MGST2: variants seen among roughly 807,000 people sequenced by gnomAD.
MGST2 encodes microsomal glutathione S-transferase 2.
A neutral mutation model predicts 16.6 loss-of-function variants in MGST2; 9 were observed. The ratio of observed to expected loss-of-function variants is 0.54; its 90% CI spans 0.33 to 0.95. The LOEUF (loss-of-function observed/expected upper bound fraction) is 0.95. Among genes scored for constraint, MGST2 ranks in the 40% least tolerant of loss-of-function variants. The probability of loss-of-function intolerance (pLI) is 0.03; values close to 1 mark genes in which losing one functional copy is unlikely to be tolerated. For missense variants in MGST2, 159 were observed against 175.1 expected (o/e 0.91, Z 0.52); for synonymous variants, 79 against 68.0 (o/e 1.16, Z -0.79).
chr4:139,689,221 C>T (rs766834848), intron 2 of MGST2, among the ~76,000 whole-genome samples: 31 of 151,924 alleles, frequency 2.0e-4, no homozygotes, highest in Non-Finnish European at 4.0e-4. Flanking sequence ...TCACATAATC[C>T]GGGAGATTCT....
chr4:139,738,019 C>A (rs973257788), intron 5 of MGST2, among the ~76,000 whole-genome samples: 1 of 152,252 alleles, frequency 6.6e-6, no homozygotes, highest in Non-Finnish European at 1.5e-5. Context: ...ATGGGTCCAG[C>A]AAAGCTCTTG....
intron 5 of MGST2, among the ~76,000 whole-genome samples, chr4:139,737,209 T>C (rs1728980395): frequency 6.6e-6 from 1 of 152,192 alleles, no homozygotes; most frequent in Admixed American, 6.5e-5. Flanking sequence ...TCCCTCTGAT[T>C]GAAAGAGTTC....
chr4:139,678,457 ACTAT>A, intron 1 of MGST2, 82 bp from the exon 2 acceptor site: 5 of 920,448 alleles, frequency 5.4e-6, no homozygotes, highest in African/African-American at 1.6e-5. Context: ...GGTATGTAGT[ACTAT>A]CTAATTGTGA....
chr4:139,704,613 A>G (rs565446976), downstream of MGST2, among the ~76,000 whole-genome samples: 1 of 152,328 alleles, frequency 6.6e-6, no homozygotes, highest in South Asian at 2.1e-4. Context: ...TCATCAACTG[A>G]TAGCACAAAA....
intron 5 of MGST2, among the ~76,000 whole-genome samples, chr4:139,728,364 C>T (rs939526725): frequency 5.3e-5 from 8 of 152,228 alleles, no homozygotes; most frequent in African/African-American, 9.6e-5. Flanking sequence ...ACATGACATT[C>T]GCTGACACCA....
At position 139,699,528 on chromosome 4, in the gene MGST2, C is replaced by T. The variant is rs540828117; in HGVS notation, c.230-3927C>T. Among the ~76,000 whole-genome samples the T allele has an allele frequency of 2.6e-3, 399 of 152,274 alleles. 2 individuals are homozygous for T. The highest frequency in any genetic ancestry group is 6.5e-3 in the Admixed American group (99 of 15,300). On this transcript the variant is annotated intron_variant, in intron 3 of 4. Coordinates refer to ENST00000265498, the MANE Select transcript of MGST2 (RefSeq NM_002413.5). ...TTCAGTATTTCTGGGCTATGTGATTCATTTGTGAGTTTTGTCACATTGTCA... is the reference window on the plus strand; with the variant it reads ...TTCAGTATTTCTGGGCTATGTGATTTATTTGTGAGTTTTGTCACATTGTCA...
chr4:139,699,101 C>T (rs767736699), intron 3 of MGST2, among the ~76,000 whole-genome samples: 6 of 152,206 alleles, frequency 3.9e-5, no homozygotes, highest in Admixed American at 1.3e-4. Context: ...TACTGCGATA[C>T]GCAATTTTCT....
chr4:139,702,328 T>C (rs1727293136), intron 3 of MGST2, among the ~76,000 whole-genome samples: 4 of 152,208 alleles, frequency 2.6e-5, no homozygotes, highest in Admixed American at 2.6e-4. Context: ...TCCTCCTGCT[T>C]CTCCCAGTCA....
At chr4:139,726,220 T>C (rs1046658095) in intron 5 of MGST2, among the ~76,000 whole-genome samples, 9 of 152,242 alleles carry the variant, frequency 5.9e-5, no homozygotes, top group Admixed American at 2.0e-4. Flanking sequence ...CTTCTTGCAT[T>C]CACCACTGTA....
At chr4:139,693,890 C>A (rs1726763442) in intron 2 of MGST2, among the ~76,000 whole-genome samples, 1 of 152,178 alleles carries the variant, frequency 6.6e-6, no homozygotes, top group South Asian at 2.1e-4. Context: ...ACTCTCCTGG[C>A]CCTTAGAGAT....
At chr4:139,698,435 A>T (rs1727051636) in intron 3 of MGST2, 1 of 1,261,014 alleles carries the variant, frequency 7.9e-7, no homozygotes, top group South Asian at 1.2e-5. Flanking sequence ...GCCTGTAACG[A>T]TGAGGTTTCT....
chr4:139,666,105 T>TGC, intron 1 of MGST2, 28 bp downstream of exon 1: 1 of 1,580,666 alleles, frequency 6.3e-7, no homozygotes, highest in Non-Finnish European at 8.6e-7. Context: ...TTCGTGTGTG[T>TGC]GCGCGTGTGT....
the MGST2 span, among the ~76,000 whole-genome samples, chr4:139,751,533 CAT>C: frequency 6.6e-6 from 1 of 152,206 alleles, no homozygotes; most frequent in Non-Finnish European, 1.5e-5. Context: ...AAATTTTCCA[CAT>C]GTGGTATCAT....
At chr4:139,669,441 G>T (rs795594) in intron 1 of MGST2, among the ~76,000 whole-genome samples, 87,228 of 152,068 alleles carry the variant, frequency 0.57, 26,785 homozygotes, top group East Asian at 0.86. Context: ...TCCCAGCTGG[G>T]TGTCCCCGTT....
the MGST2 span, among the ~76,000 whole-genome samples, chr4:139,746,671 T>G: frequency 2.0e-5 from 3 of 152,190 alleles, no homozygotes; most frequent in Admixed American, 2.0e-4. Context: ...CCGCAGACGT[T>G]TGACACTGGA....
rs140970249 is a variant in MGST2 at position 139,682,155 on chromosome 4, C to G, written c.158+3513C>G. Among the ~76,000 whole-genome samples, 1,031 of 151,600 alleles carry G rather than the reference C, an allele frequency of 6.8e-3. 15 individuals carry two copies. Among genetic ancestry groups the G allele is most frequent in the African/African-American group, 0.024 (976 of 41,324 alleles). ...AGGCTTCAGTGAGCTATGATCATGCCACTATACTCCAGCCTGGGCAACAGC... is the reference window on the plus strand; with the variant it reads ...AGGCTTCAGTGAGCTATGATCATGCGACTATACTCCAGCCTGGGCAACAGC... On this transcript the variant is annotated intron_variant, in intron 2 of 4. Transcript: ENST00000265498.
At chr4:139,704,806 T>C (rs1257482583), downstream of MGST2, among the ~76,000 whole-genome samples, 3 of 151,920 alleles carry the variant, frequency 2.0e-5, no homozygotes, top group East Asian at 1.9e-4. Flanking sequence ...CCTGTAGTCC[T>C]AGCTACTCGG....
chr4:139,717,044 T>C (rs1044091864), intron 5 of MGST2: 1 of 152,438 alleles, frequency 6.6e-6, no homozygotes, highest in Non-Finnish European at 1.5e-5. Flanking sequence ...ACAGTATATA[T>C]ATATTTATAT....
At chr4:139,703,139 T>A (rs1727364326) in intron 3 of MGST2, among the ~76,000 whole-genome samples, 2 of 151,884 alleles carry the variant, frequency 1.3e-5, no homozygotes, top group African/African-American at 2.4e-5. Context: ...TTGGCCAGGC[T>A]GGTCTTGAAC....
Sources: gnomAD v4.1 joint callset for allele counts (sites outside exome capture counted in the v4.1 genomes callset) on GRCh38, gnomAD v4.1.1 for gene constraint, MANE v1.5 for transcripts, NCBI Gene and HGNC (gene_info 2026-07-23, HGNC 2026-07-21) for gene names.